PRSS21: variants seen among roughly 807,000 people sequenced by gnomAD.
PRSS21 encodes the protein testisin.
Under a neutral mutation model 31.1 loss-of-function variants are expected in PRSS21, and 40 were observed. That is an observed-to-expected ratio of 1.29 (90% CI 1.00 to 1.68). The LOEUF is 1.68. PRSS21 is among the 40% of genes most tolerant of loss of function. PRSS21 has a pLI of 0.00. For missense variants in PRSS21, 467 were observed against 412.6 expected (o/e 1.13, Z -1.14); for synonymous variants, 186 against 167.7 (o/e 1.11, Z -0.84).
rs1227691368 is a variant in PRSS21 at position 2,821,364 on chromosome 16, AG to A, written c.707del. 4.3e-6 allele frequency: 7 copies of A among 1,613,986 alleles called. No homozygotes were observed. The highest frequency in any genetic ancestry group is 5.9e-6 in the Non-Finnish European group (7 of 1,179,932). ...GCTGACCTCAGCCCCGCTGCTCCCC[AG>A]GGTGACTCAGGTGGACCCTTGGCCT... On this transcript the variant is annotated splice_acceptor_variant, in intron 5 of 5. Transcript: ENST00000005995. LOFTEE classifies it high-confidence loss of function.
In PRSS21 at chr16:2,817,614, G is replaced by C. The variant is rs1326293366; in HGVS notation, c.91+158G>C. ...GAAAGTAACTAACGGACGCTGGAGG[G>C]GGATGGGCGGGCCCTGCAGAGCACG... On this transcript the variant is annotated intron_variant, in intron 2 of 5. Transcript: ENST00000005995. This position sits in a 1 kb window ranked among gnomAD's most constrained non-coding sequence, Gnocchi z 4.2. 3.1e-6 allele frequency: 4 copies of C among 1,290,352 alleles called. No homozygotes were observed. In the African/African-American group the frequency reaches 5.9e-5, roughly 19 times the overall value. 79.9% of individuals were successfully genotyped at this position (1,290,352 alleles called of 1,614,324 possible).
intron 4 of PRSS21, among the ~76,000 whole-genome samples, chr16:2,820,200 C>T: frequency 6.6e-6 from 1 of 152,224 alleles, no homozygotes; most frequent in Non-Finnish European, 1.5e-5. Flanking sequence ...CCTCAGTTTC[C>T]TCCCCTGTGA....
At position 2,817,523 on chromosome 16, in the gene PRSS21, G is replaced by T; in HGVS notation, c.91+67G>T. The T allele has an allele frequency of 2.5e-6, 3 of 1,190,832 alleles. No individual in the cohort carries two copies. Among genetic ancestry groups the T allele is most frequent in the Admixed American group, 2.7e-5 (1 of 37,014 alleles). 73.8% of individuals were successfully genotyped at this position (1,190,832 alleles called of 1,614,324 possible). A position where few individuals can be genotyped will look rare whatever the true frequency, so the allele number is the denominator to read the frequency against. Reference sequence around the variant, plus strand: ...GCCGAGGTGGACGGGGGGCGGTGAGGGGGTAGAGGGGGGCCTTTACTGCTC... The same window carrying T: ...GCCGAGGTGGACGGGGGGCGGTGAGTGGGTAGAGGGGGGCCTTTACTGCTC... On this transcript the variant is annotated intron_variant, in intron 2 of 5. Coordinates refer to ENST00000005995, the MANE Select transcript of PRSS21 (RefSeq NM_006799.4). This position sits in a 1 kb window ranked among gnomAD's most constrained non-coding sequence, Gnocchi z 4.2.
chr16:2,820,039 A>G (rs558462926), intron 4 of PRSS21, among the ~76,000 whole-genome samples: 40 of 152,240 alleles, frequency 2.6e-4, no homozygotes, highest in Middle Eastern at 3.4e-3. Flanking sequence ...AGCCCAGGGT[A>G]GACAGGTCAC....
In PRSS21 at chr16:2,817,321, T is replaced by C; in HGVS notation, c.53T>C (p.Leu18Pro). ...LLALLLARAG[L>P]RKPESQEAAP... is the part of the protein sequence containing the mutation. The stretch of plus-strand genomic sequence containing the variant: ...GCGCTGCTGCTGGCTCGGGCTGGAC[T>C]CAGGAAGCCGGGTGAGCTCGGGGCG... The change falls in exon 1 of 6, where the codon CTC (leucine) becomes CCC (proline). Residue 18 changes from leucine (L) to proline (P), a missense_variant. Transcript: ENST00000005995. The surrounding 1 kb of genome is among the most constrained non-coding windows in gnomAD (Gnocchi z 4.2). 1.3e-6 allele frequency: 2 copies of C among 1,547,750 alleles called. No homozygotes were observed. Among genetic ancestry groups the C allele is most frequent in the East Asian group, 4.8e-5 (2 of 41,382 alleles).
At chr16:2,818,145 C>T (rs2069112289) in intron 3 of PRSS21, among the ~76,000 whole-genome samples, 179 bp downstream of exon 3, 1 of 152,168 alleles carries the variant, frequency 6.6e-6, no homozygotes, top group Non-Finnish European at 1.5e-5. Flanking sequence ...CACTCCAGTT[C>T]CCTTTGGGTC....
intron 5 of PRSS21, 66 bp downstream of exon 5, chr16:2,821,175 C>T: frequency 1.9e-6 from 3 of 1,593,034 alleles, no homozygotes; most frequent in Admixed American, 1.7e-5. Context: ...TTATTTGACC[C>T]TCATGCCAAC....
chr16:2,817,576 C>T lies in PRSS21; in HGVS notation c.91+120C>T. 1 of 1,416,892 alleles carries T rather than the reference C, an allele frequency of 7.1e-7. No individual in the cohort carries two copies. Among genetic ancestry groups the T allele is most frequent in the Non-Finnish European group, 9.4e-7 (1 of 1,067,994 alleles). The allele number at this position is 1,416,892 out of a possible 1,614,324, so 87.8% of individuals were successfully genotyped here. On this transcript the variant is annotated intron_variant, in intron 2 of 5. Coordinates refer to ENST00000005995, the MANE Select transcript of PRSS21 (RefSeq NM_006799.4). This position sits in a 1 kb window ranked among gnomAD's most constrained non-coding sequence, Gnocchi z 4.2. ...TCGCCCCCGCCCCCGGGATCGAGAA[C>T]TCTGTTGGCGTGGAAAGTAACTAAC... is the stretch of plus-strand genomic sequence containing the variant.
chr16:2,817,283 G>A lies in PRSS21; in HGVS notation c.15G>A (p.Gly5=), dbSNP rs957977751. MGAR[G]ALLLALLLAR... The stretch of plus-strand genomic sequence containing the variant: ...GAGAGGAGGCCATGGGCGCGCGCGG[G>A]GCGCTGCTGCTGGCGCTGCTGCTGG... The change falls in exon 1 of 6, where the codon GGG becomes GGA. Residue 5 remains glycine (G), a synonymous_variant. Transcript: ENST00000005995. This position sits in a 1 kb window ranked among gnomAD's most constrained non-coding sequence, Gnocchi z 4.2. 2 of 1,535,722 alleles carry A rather than the reference G, an allele frequency of 1.3e-6. No homozygotes were observed. Among genetic ancestry groups the A allele is most frequent in the Non-Finnish European group, 1.7e-6 (2 of 1,144,848 alleles).
chr16:2,817,793 C>T lies in PRSS21; in HGVS notation c.92-8C>T. ...CCCGCGGCTCAGCAGTTCCTCTGACCATCCGAGGACCATGCGGCCGACGGG... is the reference window on the plus strand; with the variant it reads ...CCCGCGGCTCAGCAGTTCCTCTGACTATCCGAGGACCATGCGGCCGACGGG... On this transcript the variant is annotated splice_region_variant and splice_polypyrimidine_tract_variant and intron_variant, in intron 2 of 5. Transcript: ENST00000005995. This position sits in a 1 kb window ranked among gnomAD's most constrained non-coding sequence, Gnocchi z 4.2. 1 of 1,547,826 alleles carries T rather than the reference C, an allele frequency of 6.5e-7. No individual in the cohort carries two copies. The highest frequency in any genetic ancestry group is 8.7e-7 in the Non-Finnish European group (1 of 1,145,634).
Position 2,817,568 on chromosome 16 carries a change from A to G in PRSS21, c.91+112A>G, listed in dbSNP as rs2069097518. 2.4e-5 allele frequency: 34 copies of G among 1,425,256 alleles called. 1 individual carries two copies. In the South Asian group the frequency reaches 4.7e-4, roughly 20 times the overall value. The allele number at this position is 1,425,256 out of a possible 1,614,324, so 88.3% of individuals were successfully genotyped here. A position where few individuals can be genotyped will look rare whatever the true frequency, so the allele number is the denominator to read the frequency against. On this transcript the variant is annotated intron_variant, in intron 2 of 5. Coordinates refer to ENST00000005995, the MANE Select transcript of PRSS21 (RefSeq NM_006799.4). The surrounding 1 kb of genome is among the most constrained non-coding windows in gnomAD (Gnocchi z 4.2). The stretch of plus-strand genomic sequence containing the variant: ...CTGCTCTCTCGCCCCCGCCCCCGGG[A>G]TCGAGAACTCTGTTGGCGTGGAAAG...
chr16:2,817,260 G>A lies in PRSS21; in HGVS notation c.-9G>A. ...GCAGAGGGGGCGTCAGGCCGCGGGA[G>A]AGGAGGCCATGGGCGCGCGCGGGGC... On this transcript the variant is annotated 5_prime_UTR_variant, in exon 1 of 6. Transcript: ENST00000005995. This position sits in a 1 kb window ranked among gnomAD's most constrained non-coding sequence, Gnocchi z 4.2. 2 of 1,522,150 alleles carry A rather than the reference G, an allele frequency of 1.3e-6. No individual in the cohort carries two copies. The highest frequency in any genetic ancestry group is 2.0e-5 in the Admixed American group (1 of 49,274). The allele number at this position is 1,522,150 out of a possible 1,614,324, so 94.3% of individuals were successfully genotyped here. A position where few individuals can be genotyped will look rare whatever the true frequency, so the allele number is the denominator to read the frequency against.
Position 2,818,867 on chromosome 16 carries a change from AC to A in PRSS21, c.449del (p.Thr150IlefsTer24), listed in dbSNP as rs770382946. On this transcript the variant is annotated frameshift_variant, in exon 4 of 6. Coordinates refer to ENST00000005995, the MANE Select transcript of PRSS21 (RefSeq NM_006799.4). LOFTEE classifies it high-confidence loss of function. ...GAAGCTGTCTGCACCTGTCACCTAC[AC>A]TAAACACATCCAGCCCATCTGTCTC... ...LVKLSAPVTY[T>X]KHIQPICLQA... is the part of the protein sequence containing the mutation. 1.9e-6 allele frequency: 3 copies of A among 1,614,152 alleles called. No individual in the cohort carries two copies. Among genetic ancestry groups the A allele is most frequent in the African/African-American group, 1.3e-5 (1 of 75,048 alleles).
In PRSS21 at chr16:2,818,784, C is replaced by A; in HGVS notation, c.365C>A (p.Ser122Ter). The change falls in exon 4 of 6, where the codon TCG (serine) becomes TAG (stop). Residue 122 changes from serine (S) to a stop codon, truncating the protein, a stop_gained. Transcript: ENST00000005995. LOFTEE classifies it high-confidence loss of function. ...LQAYYTRYFV[S>*]NIYLSPRYLG... ...GCCTACTACACCCGTTACTTCGTATCGAATATCTATCTGAGCCCTCGCTAC... is the reference window on the plus strand; with the variant it reads ...GCCTACTACACCCGTTACTTCGTATAGAATATCTATCTGAGCCCTCGCTAC... 1 of 1,613,580 alleles carries A rather than the reference C, an allele frequency of 6.2e-7. No homozygotes were observed. The highest frequency in any genetic ancestry group is 8.5e-7 in the Non-Finnish European group (1 of 1,179,468).
rs71386691 is a variant in PRSS21, at chr16:2,817,449, G to A, written c.84G>A (p.Pro28=). Residue 28 remains proline, a synonymous_variant, in exon 2 of 6, where the codon CCG becomes CCA. Coordinates refer to ENST00000005995, the MANE Select transcript of PRSS21 (RefSeq NM_006799.4). This position sits in a 1 kb window ranked among gnomAD's most constrained non-coding sequence, Gnocchi z 4.2. The part of the protein sequence containing the change: ...LRKPESQEAA[P]LSGPCGRRVI... ...CCGCAGAGTCGCAGGAGGCGGCGCCGTTATCAGGTAGGGCGCCCAGGACGC... is the reference window on the plus strand; with the variant it reads ...CCGCAGAGTCGCAGGAGGCGGCGCCATTATCAGGTAGGGCGCCCAGGACGC... 1 of 1,582,964 alleles carries A rather than the reference G, an allele frequency of 6.3e-7. No individual in the cohort carries two copies. The highest frequency in any genetic ancestry group is 8.5e-7 in the Non-Finnish European group (1 of 1,170,666).
In PRSS21 at chr16:2,817,926, AGCCACCGC is replaced by A; in HGVS notation, c.218_225del (p.Ser73MetfsTer10). 1 of 1,549,546 alleles carries A rather than the reference AGCCACCGC, an allele frequency of 6.5e-7. No homozygotes were observed. The highest frequency in any genetic ancestry group is 8.7e-7 in the Non-Finnish European group (1 of 1,146,900). On this transcript the variant is annotated frameshift_variant, in exon 3 of 6. Transcript: ENST00000005995. LOFTEE classifies it high-confidence loss of function. The surrounding 1 kb of genome is among the most constrained non-coding windows in gnomAD (Gnocchi z 4.2). ...CCACGTATGCGGAGTGAGCCTGCTC[AGCCACCGC>A]TGGGCACTCACGGCGGCGCACTGCT...
At position 2,817,532 on chromosome 16, in the gene PRSS21, G is replaced by GT; in HGVS notation, c.91+76_91+77insT. ...GACGGGGGGCGGTGAGGGGGTAGAGGGGGGCCTTTACTGCTCTCTCGCCCC... is the reference window on the plus strand; with the variant it reads ...GACGGGGGGCGGTGAGGGGGTAGAGGTGGGGCCTTTACTGCTCTCTCGCCCC... On this transcript the variant is annotated intron_variant, in intron 2 of 5. Transcript: ENST00000005995. This position sits in a 1 kb window ranked among gnomAD's most constrained non-coding sequence, Gnocchi z 4.2. The GT allele has an allele frequency of 7.2e-7, 1 of 1,392,752 alleles. No individual in the cohort carries two copies. The highest frequency in any genetic ancestry group is 1.3e-5 in the South Asian group (1 of 74,446). The allele number at this position is 1,392,752 out of a possible 1,614,324, so 86.3% of individuals were successfully genotyped here.
At chr16:2,820,906 G>C (rs746483863) in intron 4 of PRSS21, 49 bp from the exon 5 acceptor site, 4 of 1,591,834 alleles carry the variant, frequency 2.5e-6, no homozygotes, top group Non-Finnish European at 3.4e-6. Context: ...TCCCTCCATA[G>C]AGGGGCCTCA....
In PRSS21 at chr16:2,817,570, C is replaced by T; in HGVS notation, c.91+114C>T. The T allele has an allele frequency of 7.0e-7, 1 of 1,423,316 alleles. No individual in the cohort carries two copies. The highest frequency in any genetic ancestry group is 9.3e-7 in the Non-Finnish European group (1 of 1,073,358). 88.2% of individuals were successfully genotyped at this position (1,423,316 alleles called of 1,614,324 possible). On this transcript the variant is annotated intron_variant, in intron 2 of 5. Coordinates refer to ENST00000005995, the MANE Select transcript of PRSS21 (RefSeq NM_006799.4). This position sits in a 1 kb window ranked among gnomAD's most constrained non-coding sequence, Gnocchi z 4.2. ...GCTCTCTCGCCCCCGCCCCCGGGAT[C>T]GAGAACTCTGTTGGCGTGGAAAGTA...
Sources: gnomAD v4.1 joint callset for allele counts (sites outside exome capture counted in the v4.1 genomes callset) on GRCh38, gnomAD v4.1.1 for gene constraint, Gnocchi (gnomAD v3.1) non-coding constraint, MANE v1.5 for transcripts, NCBI Gene and HGNC (gene_info 2026-07-23, HGNC 2026-07-21) for gene names.